Variants in DENND1B observed in about 807,000 individuals in gnomAD.
DENND1B encodes DENN domain containing 1B, also known as DENN domain-containing protein 1B.
Under a neutral mutation model 90.1 loss-of-function variants are expected in DENND1B, and 59 were observed. The observed-to-expected ratio is 0.65, with a 90% CI of 0.53 to 0.81. The LOEUF is 0.81. DENND1B is among the 40% of genes least tolerant of loss of function. The pLI is 0.00. For synonymous variants in DENND1B, 337 were observed against 324.6 expected (o/e 1.04, Z -0.41); for missense variants, 862 against 912.6 (o/e 0.94, Z 0.71).
chr1:197,662,914 C>T (rs1259529708), intron 5 of DENND1B, among the ~76,000 whole-genome samples: 4 of 152,004 alleles, frequency 2.6e-5, no homozygotes, highest in African/African-American at 7.2e-5. Flanking sequence ...TTCATAGGGG[C>T]AAATTTCCCA....
At chr1:197,596,541 C>G (rs1428410545) in intron 13 of DENND1B, among the ~76,000 whole-genome samples, 1 of 151,828 alleles carries the variant, frequency 6.6e-6, no homozygotes, top group Non-Finnish European at 1.5e-5. Flanking sequence ...TATTCTTACC[C>G]TTATGAAACT....
intron 9 of DENND1B, 22 bp from the exon 10 acceptor site, chr1:197,642,843 G>C: frequency 1.3e-6 from 2 of 1,567,722 alleles, no homozygotes; most frequent in Non-Finnish European, 1.7e-6. Flanking sequence ...AAAGATAATT[G>C]TGTAAGTTAC....
intron 16 of DENND1B, chr1:197,552,321 G>A (rs1014161743): frequency 1.0e-6 from 1 of 984,380 alleles, no homozygotes; most frequent in Admixed American, 6.2e-5. Flanking sequence ...TACATTGTAA[G>A]CACTCAGCAA....
intron 16 of DENND1B, among the ~76,000 whole-genome samples, chr1:197,549,360 C>G (rs1281215371): frequency 6.6e-6 from 1 of 151,916 alleles, no homozygotes; most frequent in South Asian, 2.1e-4. Flanking sequence ...TCCTTTGATA[C>G]CTTAGTCAGT....
chr1:197,619,459 C>G (rs969360307), intron 10 of DENND1B, among the ~76,000 whole-genome samples: 2 of 151,078 alleles, frequency 1.3e-5, no homozygotes, highest in Non-Finnish European at 3.0e-5. Context: ...TGAAAGGCAG[C>G]TAATTATTCA....
At chr1:197,617,333 G>A (rs1677744821) in intron 11 of DENND1B, among the ~76,000 whole-genome samples, 2 of 150,982 alleles carry the variant, frequency 1.3e-5, no homozygotes, top group Admixed American at 1.3e-4. Context: ...TGGGATACTG[G>A]GTTCTCTAAC....
At position 197,509,387 on chromosome 1, in the gene DENND1B, G is replaced by C. The variant is rs1318422970; in HGVS notation, c.*1073C>G. The C allele has an allele frequency of 2.0e-5, 3 of 151,692 alleles. No individual in the cohort carries two copies. Among genetic ancestry groups the C allele is most frequent in the Non-Finnish European group, 4.4e-5 (3 of 67,818 alleles). 9.4% of individuals were successfully genotyped at this position (151,692 alleles called of 1,614,324 possible). The stretch of plus-strand genomic sequence containing the variant: ...ATCTTGATGTGGAAAATGGATATTA[G>C]GAGAAAACTAAGAAAATCTGAATAA... On this transcript the variant is annotated 3_prime_UTR_variant, in exon 23 of 23. Coordinates refer to ENST00000620048, the MANE Select transcript of DENND1B (RefSeq NM_001195215.2).
chr1:197,705,207 T>C (rs1041025875), intron 3 of DENND1B, among the ~76,000 whole-genome samples: 1 of 152,096 alleles, frequency 6.6e-6, no homozygotes, highest in African/African-American at 2.4e-5. Flanking sequence ...AGAGTACTTG[T>C]CTCTTCTGTA....
chr1:197,775,056 C>G, intron 1 of DENND1B, 83 bp downstream of exon 1: 1 of 981,498 alleles, frequency 1.0e-6, no homozygotes, highest in Non-Finnish European at 1.3e-6. Context: ...CGGTTGAGCG[C>G]GGAGGCGCGG....
At chr1:197,665,603 T>C (rs1206547432) in intron 5 of DENND1B, among the ~76,000 whole-genome samples, 2 of 152,148 alleles carry the variant, frequency 1.3e-5, no homozygotes, top group African/African-American at 4.8e-5. Context: ...AAAATTATTT[T>C]CTGCTATTTC....
chr1:197,683,232 A>G (rs1656875845), intron 3 of DENND1B, among the ~76,000 whole-genome samples: 1 of 152,210 alleles, frequency 6.6e-6, no homozygotes, highest in African/African-American at 2.4e-5. Context: ...TCTAAATTAT[A>G]GCTGAAAAAT....
chr1:197,758,854 A>AAATTCTC (rs1654638617), intron 2 of DENND1B, among the ~76,000 whole-genome samples: 1 of 152,136 alleles, frequency 6.6e-6, no homozygotes, highest in Non-Finnish European at 1.5e-5. Context: ...ACATCTTATG[A>AAATTCTC]AATTCTCTCT....
chr1:197,570,756 C>A (rs1273553093), intron 15 of DENND1B, among the ~76,000 whole-genome samples: 1 of 152,068 alleles, frequency 6.6e-6, no homozygotes, highest in East Asian at 1.9e-4. Context: ...GTTGTTATCA[C>A]TGTAATAAGC....
intron 6 of DENND1B, among the ~76,000 whole-genome samples, chr1:197,654,547 T>G (rs1310145424): frequency 1.3e-5 from 2 of 151,684 alleles, no homozygotes; most frequent in South Asian, 2.1e-4. Flanking sequence ...GAGGTGGAGG[T>G]TGCAGCGAGC....
chr1:197,718,164 A>G (rs1032497335), intron 2 of DENND1B, among the ~76,000 whole-genome samples: 7 of 151,978 alleles, frequency 4.6e-5, no homozygotes, highest in African/African-American at 1.7e-4. Context: ...ATAATTTCCA[A>G]TAATTCACAA....
At chr1:197,719,250 GT>G (rs1425545885) in intron 2 of DENND1B, among the ~76,000 whole-genome samples, 1 of 151,978 alleles carries the variant, frequency 6.6e-6, no homozygotes, top group East Asian at 1.9e-4. Flanking sequence ...AGAGATATTT[GT>G]TTTTTTCTTT....
At chr1:197,560,396 C>T (rs1298013605) in intron 15 of DENND1B, among the ~76,000 whole-genome samples, 1 of 151,682 alleles carries the variant, frequency 6.6e-6, no homozygotes, top group Non-Finnish European at 1.5e-5. Context: ...TAAGAAACAA[C>T]AAATGATGTA....
chr1:197,563,004 T>G (rs1184177116), intron 15 of DENND1B, among the ~76,000 whole-genome samples: 1 of 151,872 alleles, frequency 6.6e-6, no homozygotes, highest in Admixed American at 6.6e-5. Flanking sequence ...TTCAATTATA[T>G]GAAGGGTGAG....
chr1:197,753,782 C>T (rs563040787), intron 2 of DENND1B, among the ~76,000 whole-genome samples: 111 of 152,136 alleles, frequency 7.3e-4, no homozygotes, highest in Middle Eastern at 6.8e-3. Flanking sequence ...AGGCAGATCG[C>T]CTGAAGTCAG....
Sources: allele counts gnomAD v4.1 joint callset (sites outside exome capture counted in the v4.1 genomes callset), GRCh38; gene constraint gnomAD v4.1.1; transcripts MANE v1.5; gene names NCBI Gene and HGNC (gene_info 2026-07-23, HGNC 2026-07-21).